Variants in PALLD observed in about 807,000 individuals in gnomAD.
PALLD encodes the protein palladin, cytoskeletal associated protein, also known as palladin.
Under a neutral mutation model 123.5 loss-of-function variants are expected in PALLD, and 61 were observed. The ratio of observed to expected loss-of-function variants is 0.49; its 90% CI spans 0.40 to 0.61. PALLD has a LOEUF of 0.61. PALLD is among the 20% of genes least tolerant of loss of function. PALLD has a pLI of 0.00. For missense variants in PALLD, 1,273 were observed against 1,377.0 expected, an observed-to-expected ratio of 0.92 and a Z score of 1.20; for synonymous variants, 465 against 496.4, an observed-to-expected ratio of 0.94 and a Z score of 0.84.
chr4:168,709,208 C>A, intron 9 of PALLD, 61 bp downstream of exon 9: 3 of 1,583,432 alleles, frequency 1.9e-6, no homozygotes, highest in Admixed American at 3.3e-5. Context: ...TGGATGGCCA[C>A]AGCAGAAAGG....
intron 2 of PALLD, among the ~76,000 whole-genome samples, chr4:168,646,822 A>G (rs566020823): frequency 6.6e-6 from 1 of 152,358 alleles, no homozygotes; most frequent in South Asian, 2.1e-4. Flanking sequence ...CTCATCACTC[A>G]AGAATATAGC....
chr4:168,786,326 CAAA>C (rs939498282), intron 10 of PALLD, among the ~76,000 whole-genome samples: 1 of 150,890 alleles, frequency 6.6e-6, no homozygotes, highest in African/African-American at 2.4e-5. Flanking sequence ...GACTCCGTCT[CAAA>C]GAAAAAAAAG....
In PALLD at chr4:168,903,860, C is replaced by T. The variant is rs864622388; in HGVS notation, c.2576C>T (p.Thr859Ile). 6.2e-7 allele frequency: 1 copy of T among 1,613,772 alleles called. No individual in the cohort carries two copies. Among genetic ancestry groups the T allele is most frequent in the Non-Finnish European group, 8.5e-7 (1 of 1,179,760 alleles). Reference protein sequence around the residue: ...GTCSLHTTASTLDDDGNYTIM... With the variant: ...GTCSLHTTASILDDDGNYTIM... Reference sequence around the variant, plus strand: ...TGCTCCCTCCATACCACAGCCTCCACCCTAGATGATGATGGGAATTATACA... The same window carrying T: ...TGCTCCCTCCATACCACAGCCTCCATCCTAGATGATGATGGGAATTATACA... Residue 859 changes from threonine (T) to isoleucine (I), a missense_variant, in exon 15 of 22, where the codon ACC becomes ATC. This residue lies in a region of PALLD where 329 missense variants were observed against 422.5 expected (regional missense o/e 0.78). Coordinates refer to ENST00000505667, the MANE Select transcript of PALLD (RefSeq NM_001166108.2).
intron 10 of PALLD, among the ~76,000 whole-genome samples, chr4:168,838,118 A>C (rs147518163): frequency 6.6e-6 from 1 of 152,328 alleles, no homozygotes; most frequent in Non-Finnish European, 1.5e-5. Flanking sequence ...TGTTGAGTAC[A>C]TGTCACCCTC....
chr4:168,714,450 A>G (rs190502618), intron 10 of PALLD, among the ~76,000 whole-genome samples: 2 of 152,344 alleles, frequency 1.3e-5, no homozygotes, highest in African/African-American at 2.4e-5. Context: ...ATAGAGAAAT[A>G]CTATTGAATG....
intron 2 of PALLD, among the ~76,000 whole-genome samples, chr4:168,570,724 A>AT (rs888750180): frequency 6.6e-6 from 1 of 152,118 alleles, no homozygotes; most frequent in Admixed American, 6.6e-5. Context: ...CTAGAGGGAC[A>AT]TTTTTTTATA....
chr4:168,745,404 T>G, intron 10 of PALLD, among the ~76,000 whole-genome samples: 2 of 127,918 alleles, frequency 1.6e-5, no homozygotes, highest in Non-Finnish European at 1.6e-5. Flanking sequence ...GGTGACATCA[T>G]TAGTTAGAGT....
At position 168,709,158 on chromosome 4, in the gene PALLD, A is replaced by G. The variant is rs1274808470; in HGVS notation, c.1621+11A>G. ...TGGTTGTCACCTCAGGTATGTGAGGAGTAAAAAAAATGACTGGGTTCTGTT... is the reference window on the plus strand; with the variant it reads ...TGGTTGTCACCTCAGGTATGTGAGGGGTAAAAAAAATGACTGGGTTCTGTT... On this transcript the variant is annotated intron_variant, in intron 9 of 21. Coordinates refer to ENST00000505667, the MANE Select transcript of PALLD (RefSeq NM_001166108.2). 6.2e-7 allele frequency: 1 copy of G among 1,613,414 alleles called. No individual in the cohort carries two copies. The highest frequency in any genetic ancestry group is 1.7e-5 in the Admixed American group (1 of 60,010).
At chr4:168,785,924 A>G (rs1022216224) in intron 10 of PALLD, among the ~76,000 whole-genome samples, 39 of 147,916 alleles carry the variant, frequency 2.6e-4, no homozygotes, top group Non-Finnish European at 3.3e-4. Context: ...AGCATCAGAA[A>G]GCCACAGAAA....
intron 2 of PALLD, chr4:168,631,636 G>A: frequency 5.1e-6 from 5 of 985,550 alleles, no homozygotes; most frequent in Non-Finnish European, 6.0e-6. Context: ...CTGGAGACCG[G>A]CGGCCTCTCA....
At position 168,711,673 on chromosome 4, in the gene PALLD, A is replaced by G. The variant is rs1784851504; in HGVS notation, c.1714A>G (p.Ser572Gly). 2.5e-6 allele frequency: 4 copies of G among 1,614,062 alleles called. No individual in the cohort carries two copies. The African/African-American group carries it at 5.3e-5, about 22-fold the overall frequency. Reference sequence around the variant, plus strand: ...ACCTCCCCCTCCAATCTTGGAGACAAGTTCCTTGGAGTTGGCTTCAAAGAA... The same window carrying G: ...ACCTCCCCCTCCAATCTTGGAGACAGGTTCCTTGGAGTTGGCTTCAAAGAA... ...FPPPPPILET[S>G]SLELASKKPS... Residue 572 changes from serine (S) to glycine (G), a missense_variant, in exon 10 of 22, where the codon AGT (serine) becomes GGT (glycine). By Grantham distance (56) the Ser-to-Gly change is moderately conservative (BLOSUM62 0). Coordinates refer to ENST00000505667, the MANE Select transcript of PALLD (RefSeq NM_001166108.2).
intron 10 of PALLD, among the ~76,000 whole-genome samples, chr4:168,727,961 A>G (rs898429908): frequency 6.6e-6 from 1 of 152,214 alleles, no homozygotes; most frequent in Non-Finnish European, 1.5e-5. Flanking sequence ...TTTATTGAAT[A>G]GGGAGTCCTT....
Position 168,668,296 on chromosome 4 carries a change from A to T in PALLD, c.1015A>T (p.Thr339Ser). 3 of 1,614,128 alleles carry T rather than the reference A, an allele frequency of 1.9e-6. No homozygotes were observed. The highest frequency in any genetic ancestry group is 1.7e-6 in the Non-Finnish European group (2 of 1,179,990). ...LIIAEAFEDD[T>S]GRYTCLATNP... ...CATAGCAGAGGCCTTTGAGGACGAC[A>T]CAGGTCGCTACACCTGTTTGGCTAC... Residue 339 changes from threonine (T) to serine (S), a missense_variant, in exon 3 of 22, where the codon ACA becomes TCA. Coordinates refer to ENST00000505667, the MANE Select transcript of PALLD (RefSeq NM_001166108.2).
At chr4:168,569,673 A>G (rs1014961012) in intron 2 of PALLD, among the ~76,000 whole-genome samples, 1 of 152,174 alleles carries the variant, frequency 6.6e-6, no homozygotes, top group Non-Finnish European at 1.5e-5. Context: ...TTCTCTAATC[A>G]TGTAATGAAT....
At chr4:168,545,334 CT>C (rs564336835) in intron 2 of PALLD, among the ~76,000 whole-genome samples, 108 of 152,144 alleles carry the variant, frequency 7.1e-4, no homozygotes, top group African/African-American at 2.6e-3. Flanking sequence ...CAAGACCAGC[CT>C]GGCCAACATG....
chr4:168,583,538 C>T (rs1055961877), intron 2 of PALLD, among the ~76,000 whole-genome samples: 5 of 152,228 alleles, frequency 3.3e-5, no homozygotes, highest in African/African-American at 4.8e-5. Context: ...ATTACATAGA[C>T]CGTCATCTTC....
At chr4:168,566,276 A>G (rs1768370238) in intron 2 of PALLD, among the ~76,000 whole-genome samples, 1 of 152,112 alleles carries the variant, frequency 6.6e-6, no homozygotes. Flanking sequence ...ATTTATCTAT[A>G]CTAATCAATT....
At chr4:168,509,678 T>G (rs527755371) in intron 1 of PALLD, among the ~76,000 whole-genome samples, 36 of 152,322 alleles carry the variant, frequency 2.4e-4, no homozygotes, top group African/African-American at 8.2e-4. Flanking sequence ...GTGCGAAATA[T>G]GGTTCAGTAG....
At chr4:168,755,998 A>C (rs753936766) in intron 10 of PALLD, 1 of 165,858 alleles carries the variant, frequency 6.0e-6, no homozygotes, top group Non-Finnish European at 1.3e-5. Flanking sequence ...AATGCTGAGA[A>C]GATGGGAATT....
Sources: allele counts gnomAD v4.1 joint callset (sites outside exome capture counted in the v4.1 genomes callset), GRCh38; gene constraint gnomAD v4.1.1; regional missense constraint gnomAD v4.1.1; transcripts MANE v1.5; gene names NCBI Gene and HGNC (gene_info 2026-07-23, HGNC 2026-07-21).